The following DPH6 variants were observed in gnomAD, a reference collection of about 807,000 sequenced individuals.
DPH6 encodes diphthine--ammonia ligase.
A neutral mutation model predicts 38.2 loss-of-function variants in DPH6; 33 were observed. The ratio of observed to expected loss-of-function variants is 0.86; its 90% CI spans 0.65 to 1.15. The LOEUF (loss-of-function observed/expected upper bound fraction) is 1.15. Ranked by LOEUF, DPH6 falls within the 50% of genes most tolerant of loss-of-function variation. The probability of loss-of-function intolerance (pLI) is 0.00; values close to 1 mark genes in which losing one functional copy is unlikely to be tolerated. For missense variants in DPH6, 325 were observed against 320.0 expected (o/e 1.02, Z -0.12); for synonymous variants, 108 against 103.0 (o/e 1.05, Z -0.30).
intron 5 of DPH6, among the ~76,000 whole-genome samples, chr15:35,446,551 C>A (rs1305104885): frequency 6.6e-6 from 1 of 152,102 alleles, no homozygotes; most frequent in African/African-American, 2.4e-5. Flanking sequence ...GTAACATTTT[C>A]TTTTCTCCAG....
At chr15:35,176,204 T>C in the DPH6 span, among the ~76,000 whole-genome samples, 33,789 of 152,176 alleles carry the variant, frequency 0.22, 4,085 homozygotes, top group East Asian at 0.38. Flanking sequence ...ATGTATAGTG[T>C]TGTGATGGAG....
chr15:35,152,839 A>C, the DPH6 span, among the ~76,000 whole-genome samples: 3 of 152,276 alleles, frequency 2.0e-5, no homozygotes, highest in African/African-American at 4.8e-5. Flanking sequence ...AGAAGTTAGA[A>C]ATAACGGGCT....
At chr15:35,235,795 A>G (rs140617501) in intron 3 of DPH6, among the ~76,000 whole-genome samples, 7 of 152,320 alleles carry the variant, frequency 4.6e-5, no homozygotes, top group African/African-American at 7.2e-5. Flanking sequence ...TCTTTCTCAC[A>G]GTGTGCTATA....
chr15:35,177,647 T>G, the DPH6 span, among the ~76,000 whole-genome samples: 1 of 149,464 alleles, frequency 6.7e-6, no homozygotes, highest in African/African-American at 2.5e-5. Flanking sequence ...TTTTTAAAAC[T>G]GATACTTTGT....
intron 3 of DPH6, among the ~76,000 whole-genome samples, chr15:35,302,257 T>A (rs1038741326): frequency 2.0e-5 from 3 of 152,214 alleles, no homozygotes; most frequent in Non-Finnish European, 4.4e-5. Context: ...ATTTTCTGTA[T>A]AACCCATTTT....
chr15:35,530,895 C>T (rs1438894684), intron 3 of DPH6, among the ~76,000 whole-genome samples: 1 of 152,202 alleles, frequency 6.6e-6, no homozygotes, highest in Non-Finnish European at 1.5e-5. Flanking sequence ...AATGCCAATT[C>T]TTCCTGTTTA....
rs544461291 is a variant in DPH6, at chr15:35,521,925, T to C, written c.312+16349A>G. The C allele has an allele frequency of 7.8e-6, 11 of 1,419,266 alleles. 1 individual carries two copies. Among genetic ancestry groups the C allele is most frequent in the Middle Eastern group, 2.6e-4 (1 of 3,854 alleles). 87.9% of individuals were successfully genotyped at this position (1,419,266 alleles called of 1,614,324 possible). ...ATGAATCTCCTTTAAGTTGAATACA[T>C]GGAAAGTTCATTTTTGAAGGTTTGC... On this transcript the variant is annotated intron_variant, in intron 3 of 8. Coordinates refer to ENST00000256538, the MANE Select transcript of DPH6 (RefSeq NM_080650.4).
intron 3 of DPH6, among the ~76,000 whole-genome samples, chr15:35,515,992 G>A (rs1022673183): frequency 1.3e-5 from 2 of 152,076 alleles, no homozygotes; most frequent in Non-Finnish European, 2.9e-5. Context: ...TCACTCAAAA[G>A]ACCCTTTAGA....
In DPH6 at chr15:35,544,648, G is replaced by A. The variant is rs549212101; in HGVS notation, c.23+1471C>T. On this transcript the variant is annotated intron_variant, in intron 1 of 8. Coordinates refer to ENST00000256538, the MANE Select transcript of DPH6 (RefSeq NM_080650.4). ...CTGTATCATAAGCATACAGGTAAAT[G>A]CTTACGTATTCATACTTACAGCATA... Among the ~76,000 whole-genome samples, 83 of 152,224 alleles carry A rather than the reference G, an allele frequency of 5.5e-4. 1 individual carries two copies. Among genetic ancestry groups the A allele is most frequent in the Admixed American group, 1.7e-3 (26 of 15,296 alleles).
chr15:35,219,961 A>G (rs1170756784), exon 4 of DPH6: 2 of 152,212 alleles, frequency 1.3e-5, no homozygotes, highest in East Asian at 1.9e-4. Flanking sequence ...TGAGAAATCC[A>G]TAATGGAATT....
At chr15:35,301,875 G>C (rs940711242) in intron 3 of DPH6, among the ~76,000 whole-genome samples, 2 of 152,154 alleles carry the variant, frequency 1.3e-5, no homozygotes, top group Non-Finnish European at 1.5e-5. Flanking sequence ...TTGGGAGGCT[G>C]AGGCAGGATA....
intron 3 of DPH6, among the ~76,000 whole-genome samples, chr15:35,261,037 G>A (rs979231862): frequency 2.6e-5 from 4 of 152,008 alleles, no homozygotes; most frequent in East Asian, 1.9e-4. Context: ...GGAAATTCCC[G>A]GAAGTCAAAA....
At chr15:35,355,314 T>C (rs532795521) in intron 3 of DPH6, among the ~76,000 whole-genome samples, 2 of 152,226 alleles carry the variant, frequency 1.3e-5, no homozygotes, top group Admixed American at 6.5e-5. Flanking sequence ...ATGTGTGAAT[T>C]TGATCCTGTC....
intron 7 of DPH6, among the ~76,000 whole-genome samples, chr15:35,375,948 T>C (rs2052773448): frequency 6.6e-6 from 1 of 152,160 alleles, no homozygotes. Context: ...AAACATACGG[T>C]TTCTGTATTC....
At chr15:35,543,259 A>ATATATATATATATATATAT (rs1491418079) in intron 1 of DPH6, among the ~76,000 whole-genome samples, 1 of 114,140 alleles carries the variant, frequency 8.8e-6, no homozygotes. Context: ...ACATACACAT[A>ATATATATATATATATATAT]ATATATATAT....
At chr15:35,420,202 T>A (rs1318596145) in intron 5 of DPH6, among the ~76,000 whole-genome samples, 1 of 152,050 alleles carries the variant, frequency 6.6e-6, no homozygotes, top group East Asian at 1.9e-4. Context: ...CCTATCTTAC[T>A]GGGTCAAAGA....
intron 3 of DPH6, among the ~76,000 whole-genome samples, chr15:35,534,319 G>A (rs2055134619): frequency 6.6e-6 from 1 of 150,818 alleles, no homozygotes; most frequent in East Asian, 1.9e-4. Context: ...AGAGGTTGTG[G>A]TGAGCCAAGA....
At chr15:35,250,701 A>G (rs1331766125) in intron 3 of DPH6, among the ~76,000 whole-genome samples, 1 of 152,176 alleles carries the variant, frequency 6.6e-6, no homozygotes, top group Non-Finnish European at 1.5e-5. Flanking sequence ...AAGACAAACA[A>G]GATCTAGGAC....
chr15:35,526,350 T>C (rs1479937185), intron 3 of DPH6, among the ~76,000 whole-genome samples: 2 of 152,160 alleles, frequency 1.3e-5, no homozygotes, highest in African/African-American at 4.8e-5. Context: ...GTTTCTGCCT[T>C]TTCTGATTGT....
Sources: gnomAD v4.1 joint callset for allele counts (sites outside exome capture counted in the v4.1 genomes callset) on GRCh38, gnomAD v4.1.1 for gene constraint, MANE v1.5 for transcripts, NCBI Gene and HGNC (gene_info 2026-07-23, HGNC 2026-07-21) for gene names.